Variants in NRXN1 observed in about 807,000 individuals in gnomAD.
NRXN1 encodes neurexin-1.
A neutral mutation model predicts 150.9 loss-of-function variants in NRXN1; 39 were observed. That is an observed-to-expected ratio of 0.26 (90% CI 0.20 to 0.34). The LOEUF (loss-of-function observed/expected upper bound fraction) is 0.34, where lower values mean the gene tolerates loss of function less well. Ranked by LOEUF, NRXN1 falls within the 10% of genes least tolerant of loss-of-function variation. NRXN1 has a pLI of 1.00. For synonymous variants in NRXN1, 924 were observed against 757.0 expected (o/e 1.22, Z -3.62); for missense variants, 1,815 against 1,949.9 (o/e 0.93, Z 1.30).
chr2:50,616,516 G>A (rs1309943527), intron 8 of NRXN1: 2 of 152,112 alleles, frequency 1.3e-5, no homozygotes. Context: ...GAATAAATGT[G>A]TAAATTCGTG....
intron 5 of NRXN1, among the ~76,000 whole-genome samples, chr2:50,761,821 T>G (rs1449492305): frequency 6.6e-6 from 1 of 151,860 alleles, no homozygotes; most frequent in African/African-American, 2.4e-5. Context: ...ATGAAAGAAT[T>G]AGACTGGCTG....
chr2:50,931,376 A>AAAAT (rs1352505234), intron 2 of NRXN1, among the ~76,000 whole-genome samples: 16 of 152,164 alleles, frequency 1.1e-4, no homozygotes, highest in African/African-American at 3.9e-4. Flanking sequence ...GATGAAATTA[A>AAAAT]AAATATGACT....
At chr2:50,297,994 C>T (rs1282552402) in intron 17 of NRXN1, among the ~76,000 whole-genome samples, 1 of 152,100 alleles carries the variant, frequency 6.6e-6, no homozygotes, top group Non-Finnish European at 1.5e-5. Context: ...CCTTACCTTC[C>T]TCTTTTTGTG....
intron 18 of NRXN1, among the ~76,000 whole-genome samples, chr2:50,164,363 T>G (rs1433650127): frequency 6.6e-6 from 1 of 152,194 alleles, no homozygotes; most frequent in East Asian, 1.9e-4. Context: ...TTGCATAAGA[T>G]ACACAAAGTT....
intron 17 of NRXN1, 55 bp downstream of exon 17, chr2:50,465,387 A>C: frequency 6.6e-7 from 1 of 1,515,158 alleles, no homozygotes. Context: ...TTTAGATATC[A>C]AACAGTAACT....
intron 5 of NRXN1, among the ~76,000 whole-genome samples, chr2:50,643,585 C>T (rs561466853): frequency 4.0e-5 from 6 of 151,866 alleles, no homozygotes; most frequent in African/African-American, 1.2e-4. Flanking sequence ...TCCATATGAA[C>T]GGTATGATAT....
At chr2:50,390,533 C>G (rs75025342) in intron 17 of NRXN1, among the ~76,000 whole-genome samples, 4,995 of 152,070 alleles carry the variant, frequency 0.033, 197 homozygotes, top group East Asian at 0.11. Flanking sequence ...TGACAGGAGA[C>G]CTTGGTAAGT....
rs1670941293 is a variant in NRXN1 at position 51,028,266 on chromosome 2, G to A, written c.8C>T (p.Thr3Met). MG[T>M]ALLQRGGCFL... ...ACAGCCCCCGCGCTGGAGCAGCGCC[G>A]TCCCCATGCTCGGGGCTGGGGTGCG... Residue 3 changes from threonine to methionine, a missense_variant, in exon 2 of 23, where the codon ACG becomes ATG. By Grantham distance (81) the Thr-to-Met change is moderately conservative. Coordinates refer to ENST00000401669, the MANE Select transcript of NRXN1 (RefSeq NM_001330078.2). 35 of 1,447,286 alleles carry A rather than the reference G, an allele frequency of 2.4e-5. No homozygotes were observed. The highest frequency in any genetic ancestry group is 3.1e-5 in the Non-Finnish European group (34 of 1,105,942). 89.7% of individuals were successfully genotyped at this position (1,447,286 alleles called of 1,614,324 possible).
chr2:50,079,837 G>A (rs1231029239), intron 19 of NRXN1, among the ~76,000 whole-genome samples: 1 of 151,882 alleles, frequency 6.6e-6, no homozygotes, highest in African/African-American at 2.4e-5. Context: ...ACATGCAAAG[G>A]CCTTTATTAA....
At chr2:50,977,318 T>A (rs1696011502) in intron 2 of NRXN1, among the ~76,000 whole-genome samples, 4 of 151,956 alleles carry the variant, frequency 2.6e-5, no homozygotes, top group African/African-American at 9.7e-5. Context: ...AATCTAATTT[T>A]TCATATGTAG....
intron 9 of NRXN1, among the ~76,000 whole-genome samples, chr2:50,541,780 C>T (rs2105282031): frequency 6.6e-6 from 1 of 151,162 alleles, no homozygotes; most frequent in South Asian, 2.1e-4. Flanking sequence ...CTCTGAAGCA[C>T]TTTGATATTT....
Position 50,993,548 on chromosome 2 carries a change from T to C in NRXN1, c.772+33954A>G, listed in dbSNP as rs1698857129. 2.6e-5 allele frequency among the ~76,000 whole-genome samples: 4 copies of C among 152,072 alleles called. No individual in the cohort carries two copies. The South Asian group carries it at 8.3e-4, about 32-fold the overall frequency. On this transcript the variant is annotated intron_variant, in intron 2 of 22. Coordinates refer to ENST00000401669, the MANE Select transcript of NRXN1 (RefSeq NM_001330078.2). ...TAGGGTGTAATTCTCCAACTTGCTA[T>C]GATTCTTTTTAATTCTCAGACTATC...
chr2:50,097,082 G>A (rs1010447005), intron 18 of NRXN1, among the ~76,000 whole-genome samples: 17 of 152,168 alleles, frequency 1.1e-4, no homozygotes, highest in African/African-American at 1.7e-4. Context: ...TAAGATTTTA[G>A]TGCACTGTTT....
intron 18 of NRXN1, among the ~76,000 whole-genome samples, chr2:50,093,942 A>T (rs1248428762): frequency 2.0e-5 from 3 of 152,176 alleles, no homozygotes; most frequent in African/African-American, 4.8e-5. Context: ...CTGTTGTGCC[A>T]TCCTATAGCT....
chr2:50,091,280 G>C (rs761413325), intron 19 of NRXN1, 43 bp downstream of exon 19: 7 of 1,609,334 alleles, frequency 4.3e-6, no homozygotes, highest in Non-Finnish European at 5.9e-6. Context: ...CTTCCAGTTT[G>C]TTTTTCATAA....
At chr2:50,876,282 C>T (rs1039177643) in intron 5 of NRXN1, among the ~76,000 whole-genome samples, 6 of 151,272 alleles carry the variant, frequency 4.0e-5, no homozygotes, top group African/African-American at 1.5e-4. Context: ...TGTTTGGTTT[C>T]TTAGAACATT....
intron 8 of NRXN1, among the ~76,000 whole-genome samples, chr2:50,608,219 C>G (rs889805214): frequency 6.6e-6 from 1 of 152,156 alleles, no homozygotes; most frequent in Non-Finnish European, 1.5e-5. Context: ...GGCAGTGTTT[C>G]GTGATCCATA....
At chr2:50,024,619 TC>T (rs1688011820) in intron 21 of NRXN1, among the ~76,000 whole-genome samples, 1 of 151,356 alleles carries the variant, frequency 6.6e-6, no homozygotes, top group South Asian at 2.1e-4. Flanking sequence ...CCAGAGTAAT[TC>T]TTTTTTTTTT....
intron 2 of NRXN1, among the ~76,000 whole-genome samples, chr2:50,985,889 C>T (rs1245283298): frequency 6.6e-6 from 1 of 151,544 alleles, no homozygotes; most frequent in African/African-American, 2.4e-5. Flanking sequence ...ATATGACTTA[C>T]AAAATGTCAA....
Sources: allele counts gnomAD v4.1 joint callset (sites outside exome capture counted in the v4.1 genomes callset), GRCh38; gene constraint gnomAD v4.1.1; transcripts MANE v1.5; gene names NCBI Gene and HGNC (gene_info 2026-07-23, HGNC 2026-07-21).